CCSER1: variants seen among roughly 807,000 people sequenced by gnomAD.
CCSER1 encodes the protein serine-rich coiled-coil domain-containing protein 1.
Under a neutral mutation model 82.0 loss-of-function variants are expected in CCSER1, and 41 were observed. The ratio of observed to expected loss-of-function variants is 0.50; its 90% confidence interval spans 0.39 to 0.65. CCSER1 has a LOEUF of 0.65. CCSER1 is among the 30% of genes least tolerant of loss of function. The pLI, the probability that CCSER1 is intolerant of heterozygous loss-of-function variation, is 0.00. For synonymous variants in CCSER1, 414 were observed against 383.9 expected, an observed-to-expected ratio of 1.08 and a Z score of -0.92; for missense variants, 1,119 against 1,064.2, an observed-to-expected ratio of 1.05 and a Z score of -0.72.
At chr4:90,744,767 C>G (rs1001034356) in intron 7 of CCSER1, among the ~76,000 whole-genome samples, 1 of 151,988 alleles carries the variant, frequency 6.6e-6, no homozygotes, top group East Asian at 1.9e-4. Flanking sequence ...TACAAGGGAT[C>G]TAGGTTGTGT....
At chr4:90,549,987 C>A (rs1327119340) in intron 5 of CCSER1, among the ~76,000 whole-genome samples, 1 of 151,970 alleles carries the variant, frequency 6.6e-6, no homozygotes, top group Non-Finnish European at 1.5e-5. Flanking sequence ...AGCTGGGCAA[C>A]TAAGATTATT....
chr4:90,265,954 C>G (rs1725161536), intron 1 of CCSER1, among the ~76,000 whole-genome samples: 1 of 152,044 alleles, frequency 6.6e-6, no homozygotes, highest in African/African-American at 2.4e-5. Context: ...ATATTTTGCA[C>G]CAAGATATTT....
chr4:91,586,490 C>T (rs73836248), intron 10 of CCSER1, among the ~76,000 whole-genome samples: 168 of 151,528 alleles, frequency 1.1e-3, no homozygotes, highest in African/African-American at 3.7e-3. Context: ...GCACCAGGAG[C>T]GTGAAATGTC....
chr4:91,547,633 A>T (rs891904440), intron 10 of CCSER1, among the ~76,000 whole-genome samples: 1 of 152,192 alleles, frequency 6.6e-6, no homozygotes, highest in African/African-American at 2.4e-5. Flanking sequence ...CCATTCTGAC[A>T]ATCTGTCTTA....
intron 1 of CCSER1, among the ~76,000 whole-genome samples, chr4:90,279,243 T>A (rs1728469606): frequency 6.6e-6 from 1 of 152,020 alleles, no homozygotes; most frequent in Admixed American, 6.6e-5. Flanking sequence ...TACGGACACT[T>A]GTATTCTGCT....
intron 9 of CCSER1, among the ~76,000 whole-genome samples, chr4:90,959,115 G>A (rs564699436): frequency 6.6e-6 from 1 of 152,262 alleles, no homozygotes; most frequent in African/African-American, 2.4e-5. Context: ...CTGTTGAACA[G>A]ATGTAAATAA....
intron 5 of CCSER1, among the ~76,000 whole-genome samples, chr4:90,552,899 T>G (rs1777688657): frequency 6.6e-6 from 1 of 152,228 alleles, no homozygotes; most frequent in Non-Finnish European, 1.5e-5. Context: ...CTCTTAAGTT[T>G]GTATTTAACT....
chr4:91,230,111 A>T (rs1581809440), intron 10 of CCSER1, among the ~76,000 whole-genome samples: 2 of 152,296 alleles, frequency 1.3e-5, no homozygotes. Context: ...GAGATGAAAC[A>T]AAAGTCCTCC....
At chr4:90,554,773 G>A (rs1207631761) in intron 5 of CCSER1, among the ~76,000 whole-genome samples, 1 of 152,120 alleles carries the variant, frequency 6.6e-6, no homozygotes, top group African/African-American at 2.4e-5. Flanking sequence ...TAACAGATTT[G>A]ACTTCTCATC....
At position 91,286,121 on chromosome 4, in the gene CCSER1, A is replaced by G. The variant is rs151273726; in HGVS notation, c.2217+200127A>G. Among the ~76,000 whole-genome samples the G allele has an allele frequency of 1.8e-3, 270 of 151,774 alleles. 2 individuals carry two copies. Among genetic ancestry groups the G allele is most frequent in the African/African-American group, 6.1e-3 (252 of 41,512 alleles). ...TATTTCAAAAATATAATCAGTCAAG[A>G]AATTTTCCTTAACAATAATTTGAAA... On this transcript the variant is annotated intron_variant, in intron 10 of 10. Coordinates refer to ENST00000509176, the MANE Select transcript of CCSER1 (RefSeq NM_001145065.2).
At chr4:90,231,466 G>A (rs7439414) in intron 1 of CCSER1, among the ~76,000 whole-genome samples, 93,452 of 145,240 alleles carry the variant, frequency 0.64, 32,444 homozygotes, top group African/African-American at 0.91. Flanking sequence ...TTGATGGGAC[G>A]TATCTCAAAA....
chr4:90,584,894 T>C (rs1408212214), intron 5 of CCSER1, among the ~76,000 whole-genome samples: 2 of 152,148 alleles, frequency 1.3e-5, no homozygotes, highest in Non-Finnish European at 2.9e-5. Flanking sequence ...TTTTTGATAT[T>C]AAAAACTTTT....
chr4:90,190,649 C>T (rs981814800), intron 1 of CCSER1, among the ~76,000 whole-genome samples: 1 of 152,110 alleles, frequency 6.6e-6, no homozygotes, highest in African/African-American at 2.4e-5. Flanking sequence ...TGTTCCCAGA[C>T]AATAGTGATA....
intron 6 of CCSER1, among the ~76,000 whole-genome samples, chr4:90,670,004 T>TA (rs1337438804): frequency 6.6e-6 from 1 of 152,118 alleles, no homozygotes; most frequent in Non-Finnish European, 1.5e-5. Context: ...GTAATAGGGC[T>TA]ATGAGAAAAA....
intron 10 of CCSER1, among the ~76,000 whole-genome samples, chr4:91,425,974 G>A (rs769606956): frequency 6.6e-5 from 10 of 152,092 alleles, no homozygotes; most frequent in African/African-American, 1.2e-4. Flanking sequence ...GTGCCATGGT[G>A]GTTTGCTGCA....
chr4:90,528,006 C>T (rs1352987460), intron 5 of CCSER1, among the ~76,000 whole-genome samples: 2 of 151,980 alleles, frequency 1.3e-5, no homozygotes, highest in Non-Finnish European at 2.9e-5. Flanking sequence ...CAGTATTTGA[C>T]AGAGAAGGAA....
intron 7 of CCSER1, among the ~76,000 whole-genome samples, chr4:90,776,513 G>A (rs1752913101): frequency 6.6e-6 from 1 of 152,116 alleles, no homozygotes; most frequent in African/African-American, 2.4e-5. Flanking sequence ...CACCTATTAA[G>A]GTAAGCTAGC....
chr4:91,089,396 C>T (rs771844123), intron 10 of CCSER1, among the ~76,000 whole-genome samples: 5 of 152,166 alleles, frequency 3.3e-5, no homozygotes, highest in Non-Finnish European at 7.3e-5. Context: ...GGGCTGCCTG[C>T]CTTTGGTTTC....
At chr4:90,579,509 T>C (rs1781173028) in intron 5 of CCSER1, among the ~76,000 whole-genome samples, 1 of 152,188 alleles carries the variant, frequency 6.6e-6, no homozygotes, top group South Asian at 2.1e-4. Flanking sequence ...AGCTTTTCCA[T>C]TTAGACAATT....
Sources: gnomAD v4.1 joint callset for allele counts (sites outside exome capture counted in the v4.1 genomes callset) on GRCh38, gnomAD v4.1.1 for gene constraint, MANE v1.5 for transcripts, NCBI Gene and HGNC (gene_info 2026-07-23, HGNC 2026-07-21) for gene names.